Variants in ANO3 observed in about 807,000 individuals in gnomAD.
ANO3 encodes anoctamin 3, also known as anoctamin-3.
In ANO3, 99 loss-of-function variants were observed where a neutral mutation model predicts 144.8. That is an observed-to-expected ratio of 0.68 (90% CI 0.58 to 0.81). The LOEUF is 0.81. Ranked by LOEUF, ANO3 falls within the 30% of genes least tolerant of loss-of-function variation. ANO3 has a pLI of 0.00. For missense variants in ANO3, 905 were observed against 1,202.2 expected (o/e 0.75, Z 3.66); for synonymous variants, 414 against 392.6 (o/e 1.05, Z -0.64).
At chr11:26,442,501 C>T (rs112743717) in intron 2 of ANO3, among the ~76,000 whole-genome samples, 1 of 152,174 alleles carries the variant, frequency 6.6e-6, no homozygotes, top group African/African-American at 2.4e-5. Flanking sequence ...GAAGACTTTA[C>T]AACTGACAAT....
chr11:26,191,137 G>T (rs550783637), intron 1 of ANO3, among the ~76,000 whole-genome samples: 1 of 151,988 alleles, frequency 6.6e-6, no homozygotes, highest in Non-Finnish European at 1.5e-5. Flanking sequence ...TTAGCCAGGC[G>T]TGGTGGCACA....
rs939095347 is a variant in ANO3, at chr11:26,332,164, T to C, written c.-112T>C. The stretch of plus-strand genomic sequence containing the variant: ...AGTGCCGGCTACAGCAGGTGTCGGA[T>C]TGCAGTGCGCTCGCTGAGGCTCCGG... On this transcript the variant is annotated 5_prime_UTR_variant, in exon 1 of 27. Coordinates refer to ENST00000256737, the MANE Select transcript of ANO3 (RefSeq NM_031418.4). The C allele has an allele frequency of 1.9e-6, 3 of 1,594,824 alleles. No homozygotes were observed. Among genetic ancestry groups the C allele is most frequent in the African/African-American group, 1.3e-5 (1 of 74,592 alleles).
chr11:26,220,219 G>A (rs1237237015), intron 1 of ANO3, among the ~76,000 whole-genome samples: 1 of 152,138 alleles, frequency 6.6e-6, no homozygotes, highest in Non-Finnish European at 1.5e-5. Context: ...AAATCAATGT[G>A]GCACCTTAAA....
chr11:26,198,574 G>C (rs1470530204), intron 1 of ANO3, among the ~76,000 whole-genome samples: 1 of 152,174 alleles, frequency 6.6e-6, no homozygotes, highest in Non-Finnish European at 1.5e-5. Context: ...CATTCCTGGA[G>C]AATGAAATGA....
intron 4 of ANO3, among the ~76,000 whole-genome samples, chr11:26,500,302 G>GT (rs1278953189): frequency 3.3e-5 from 5 of 151,526 alleles, no homozygotes; most frequent in African/African-American, 1.2e-4. Context: ...CATTGTTTTT[G>GT]TTTCTCTTGG....
Position 26,227,255 on chromosome 11 carries a change from T to C in ANO3, c.154+37925T>C, listed in dbSNP as rs191389686. On this transcript the variant is annotated intron_variant, in intron 1 of 27. Transcript: ENST00000672621. The stretch of plus-strand genomic sequence containing the variant: ...ATTGTGAATAAAGTTGTTAAAAACA[T>C]GAATAATTTATATTATTGAAAATTT... 1.3e-4 allele frequency among the ~76,000 whole-genome samples: 20 copies of C among 152,298 alleles called. No individual in the cohort carries two copies. The East Asian group carries it at 3.9e-3, about 29-fold the overall frequency.
chr11:26,657,636 T>C (rs1475415852), intron 26 of ANO3, among the ~76,000 whole-genome samples: 1 of 152,016 alleles, frequency 6.6e-6, no homozygotes, highest in Non-Finnish European at 1.5e-5. Flanking sequence ...TTTTCATCCG[T>C]ATAAATTCTT....
chr11:26,360,738 A>C (rs1180142081), intron 1 of ANO3, among the ~76,000 whole-genome samples: 1 of 152,126 alleles, frequency 6.6e-6, no homozygotes, highest in African/African-American at 2.4e-5. Flanking sequence ...CTACTTTGTC[A>C]ATTTTCTTTG....
At chr11:26,610,938 A>T (rs569130641) in intron 17 of ANO3, among the ~76,000 whole-genome samples, 88 of 152,230 alleles carry the variant, frequency 5.8e-4, no homozygotes, top group African/African-American at 2.0e-3. Flanking sequence ...ATTGTTCATC[A>T]TAGTCTCTTA....
At chr11:26,535,463 C>T (rs1849482120) in intron 9 of ANO3, among the ~76,000 whole-genome samples, 1 of 151,022 alleles carries the variant, frequency 6.6e-6, no homozygotes, top group African/African-American at 2.4e-5. Flanking sequence ...ATCCTAAAAG[C>T]CTTGAAAATA....
chr11:26,280,599 C>T (rs11029462), intron 1 of ANO3, among the ~76,000 whole-genome samples: 4,906 of 152,248 alleles, frequency 0.032, 115 homozygotes, highest in Non-Finnish European at 0.047. Flanking sequence ...TGATGGTTCC[C>T]ACCCAGATTG....
intron 1 of ANO3, among the ~76,000 whole-genome samples, chr11:26,378,006 G>T (rs910836006): frequency 5.3e-5 from 8 of 151,920 alleles, no homozygotes; most frequent in Non-Finnish European, 1.2e-4. Context: ...ACACTAACTA[G>T]ATGACATTAT....
intron 17 of ANO3, among the ~76,000 whole-genome samples, chr11:26,623,304 C>T (rs546167396): frequency 1.7e-4 from 26 of 152,226 alleles, no homozygotes; most frequent in African/African-American, 6.0e-4. Flanking sequence ...AGATGCATAC[C>T]TTTTAATTTT....
In ANO3 at chr11:26,647,862, G is replaced by A. The variant is rs752093547; in HGVS notation, c.2576+6G>A. On this transcript the variant is annotated splice_donor_region_variant and intron_variant, in intron 24 of 26. Coordinates refer to ENST00000256737, the MANE Select transcript of ANO3 (RefSeq NM_031418.4). ...CATGTAGAACCAAGTGAAAAGTAAG[G>A]TTTAAATTTAAACATTTTCCTGATA... 4 of 1,601,000 alleles carry A rather than the reference G, an allele frequency of 2.5e-6. No homozygotes were observed. The South Asian group carries it at 4.5e-5, about 18-fold the overall frequency.
At chr11:26,304,229 CT>C (rs1426728175) in intron 1 of ANO3, among the ~76,000 whole-genome samples, 4 of 151,770 alleles carry the variant, frequency 2.6e-5, no homozygotes, top group Non-Finnish European at 5.9e-5. Flanking sequence ...TTTATTTAGG[CT>C]TTTTTCAGTG....
intron 3 of ANO3, among the ~76,000 whole-genome samples, chr11:26,451,105 C>T (rs951068460): frequency 2.6e-5 from 4 of 152,144 alleles, no homozygotes; most frequent in Non-Finnish European, 5.9e-5. Context: ...AGGGGAGGAG[C>T]CAAGATGGCC....
At chr11:26,563,404 T>A in intron 14 of ANO3, 2 of 299,282 alleles carry the variant, frequency 6.7e-6, no homozygotes, top group South Asian at 1.2e-4. Context: ...TCTGTGTGTG[T>A]GTGTGTGTGT....
Position 26,370,373 on chromosome 11 carries a change from T to TCAATTAAAC in ANO3, c.46+38054_46+38062dup, listed in dbSNP as rs1203071467. ...CTGAGGCCTCCCCAGCCATGCTGAG[T>TCAATTAAAC]CAATTAAACCTCTTTTCTTTACAAA... On this transcript the variant is annotated intron_variant, in intron 1 of 26. Coordinates refer to ENST00000256737, the MANE Select transcript of ANO3 (RefSeq NM_031418.4). Among the ~76,000 whole-genome samples, 4 of 152,130 alleles carry TCAATTAAAC rather than the reference T, an allele frequency of 2.6e-5. No homozygotes were observed. The East Asian group carries it at 7.7e-4, about 29-fold the overall frequency.
At chr11:26,287,590 A>G (rs1012412571) in intron 1 of ANO3, 2 of 152,190 alleles carry the variant, frequency 1.3e-5, no homozygotes, top group African/African-American at 4.8e-5. Context: ...AAGTACTGTT[A>G]TAATGTCACT....
Sources: gnomAD v4.1 joint callset for allele counts (sites outside exome capture counted in the v4.1 genomes callset) on GRCh38, gnomAD v4.1.1 for gene constraint, MANE v1.5 for transcripts, NCBI Gene and HGNC (gene_info 2026-07-23, HGNC 2026-07-21) for gene names.